BTN2A2: variants seen among roughly 807,000 people sequenced by gnomAD.
BTN2A2 encodes butyrophilin subfamily 2 member A2.
In BTN2A2, 29 loss-of-function variants were observed where a neutral mutation model predicts 34.7. That is an observed-to-expected ratio of 0.84 (90% CI 0.62 to 1.14). The LOEUF is 1.14. Among genes scored for constraint, BTN2A2 ranks in the 50% most tolerant of loss-of-function variants. The pLI is 0.00. For missense variants in BTN2A2, 612 were observed against 651.5 expected (o/e 0.94, Z 0.66); for synonymous variants, 240 against 253.1 (o/e 0.95, Z 0.49).
At position 26,391,010 on chromosome 6, in the gene BTN2A2, C is replaced by A. The variant is rs1581605146; in HGVS notation, c.979+181C>A. On this transcript the variant is annotated intron_variant, in intron 7 of 7. Coordinates refer to ENST00000356709, the MANE Select transcript of BTN2A2 (RefSeq NM_006995.5). ...TGGCTCTTCTGTCAGGGAACCCCAGCAGCTCTTAATGAACCCTGCAGTTTA... is the reference window on the plus strand; with the variant it reads ...TGGCTCTTCTGTCAGGGAACCCCAGAAGCTCTTAATGAACCCTGCAGTTTA... 9 of 876,468 alleles carry A rather than the reference C, an allele frequency of 1.0e-5. No individual in the cohort carries two copies. The East Asian group carries it at 1.5e-4, about 14-fold the overall frequency. The allele number at this position is 876,468 out of a possible 1,614,324, so 54.3% of individuals were successfully genotyped here.
intron 3 of BTN2A2, 174 bp downstream of exon 3, chr6:26,385,536 G>A: frequency 1.7e-6 from 1 of 597,706 alleles, no homozygotes; most frequent in Non-Finnish European, 2.9e-6. Flanking sequence ...GCCCTGCTAA[G>A]CTATAGGTTT....
chr6:26,390,756 T>C, intron 6 of BTN2A2, 47 bp from the exon 7 acceptor site: 1 of 1,614,280 alleles, frequency 6.2e-7, no homozygotes, highest in South Asian at 1.1e-5. Context: ...TGTGTTCTGC[T>C]TACTTAGCAG....
intron 3 of BTN2A2, among the ~76,000 whole-genome samples, chr6:26,387,243 C>T (rs1356554393): frequency 6.6e-6 from 1 of 152,146 alleles, no homozygotes; most frequent in African/African-American, 2.4e-5. Flanking sequence ...TCTTAAAGGA[C>T]TGTAAGAAAA....
chr6:26,393,123 C>T lies in BTN2A2; in HGVS notation c.*156C>T. 2 of 1,607,450 alleles carry T rather than the reference C, an allele frequency of 1.2e-6. No individual in the cohort carries two copies. The highest frequency in any genetic ancestry group is 1.7e-6 in the Non-Finnish European group (2 of 1,176,740). On this transcript the variant is annotated 3_prime_UTR_variant, in exon 8 of 8. Coordinates refer to ENST00000356709, the MANE Select transcript of BTN2A2 (RefSeq NM_006995.5). ...TTTCACACCCACTCCAGCCCTCTGC[C>T]CCAGTTTTCTCCTCCTCACTAGTCT...
Position 26,393,313 on chromosome 6 carries a change from C to T in BTN2A2, c.*346C>T. 1 of 1,255,754 alleles carries T rather than the reference C, an allele frequency of 8.0e-7. No homozygotes were observed. Among genetic ancestry groups the T allele is most frequent in the Non-Finnish European group, 1.0e-6 (1 of 985,434 alleles). 77.8% of individuals were successfully genotyped at this position (1,255,754 alleles called of 1,614,324 possible). ...ACATTAAGCCCAATATGCCAGTTGG[C>T]ACCAGATGCTGTGGACTTGGAATGA... On this transcript the variant is annotated 3_prime_UTR_variant, in exon 8 of 8. Coordinates refer to ENST00000356709, the MANE Select transcript of BTN2A2 (RefSeq NM_006995.5).
At position 26,384,142 on chromosome 6, in the gene BTN2A2, T is replaced by C. The variant is rs1761037393; in HGVS notation, c.94+227T>C. ...AAAAAGATTTTTTTAACTTTTTATT[T>C]ATTTGTTTATTTATTTAAGAGAGAG... On this transcript the variant is annotated intron_variant, in intron 2 of 7. Coordinates refer to ENST00000356709, the MANE Select transcript of BTN2A2 (RefSeq NM_006995.5). The surrounding 1 kb of genome is among the most constrained non-coding windows in gnomAD (Gnocchi z 4.0). Among the ~76,000 whole-genome samples the C allele has an allele frequency of 6.6e-6, 1 of 152,232 alleles. No homozygotes were observed. The highest frequency in any genetic ancestry group is 2.4e-5 in the African/African-American group (1 of 41,458).
Position 26,385,479 on chromosome 6 carries a change from A to G in BTN2A2, c.442+117A>G. On this transcript the variant is annotated intron_variant, in intron 3 of 7. Transcript: ENST00000356709. The stretch of plus-strand genomic sequence containing the variant: ...GATTTCTATCTGGCGTCCCCTTTCC[A>G]CAGAGAAAGTGGCTTCCTCTTGCAC... 6 of 1,035,950 alleles carry G rather than the reference A, an allele frequency of 5.8e-6. No individual in the cohort carries two copies. The South Asian group carries it at 1.0e-4, about 17-fold the overall frequency. The allele number at this position is 1,035,950 out of a possible 1,614,324, so 64.2% of individuals were successfully genotyped here.
chr6:26,383,840 C>G lies in BTN2A2; in HGVS notation c.19C>G (p.Leu7Val). 1 of 1,614,162 alleles carries G rather than the reference C, an allele frequency of 6.2e-7. No homozygotes were observed. Among genetic ancestry groups the G allele is most frequent in the Non-Finnish European group, 8.5e-7 (1 of 1,180,026 alleles). Reference sequence around the variant, plus strand: ...GGTGCTCATGGAACCAGCTGCTGCTCTGCACTTCTCCCTGCCAGCCTCCCT... The same window carrying G: ...GGTGCTCATGGAACCAGCTGCTGCTGTGCACTTCTCCCTGCCAGCCTCCCT... Reference protein sequence around the residue: MEPAAALHFSLPASLLL... With the variant: MEPAAAVHFSLPASLLL... Residue 7 changes from leucine (L) to valine (V), a missense_variant, in exon 2 of 8, where the codon CTG becomes GTG. Coordinates refer to ENST00000356709, the MANE Select transcript of BTN2A2 (RefSeq NM_006995.5). This position sits in a 1 kb window ranked among gnomAD's most constrained non-coding sequence, Gnocchi z 4.4.
Position 26,394,301 on chromosome 6 carries a change from T to C in BTN2A2, c.*1334T>C, listed in dbSNP as rs754425934. On this transcript the variant is annotated 3_prime_UTR_variant, in exon 8 of 8. Coordinates refer to ENST00000356709, the MANE Select transcript of BTN2A2 (RefSeq NM_006995.5). Reference sequence around the variant, plus strand: ...TCCATGTGCTGGTTAATTTTAGATGTCAACCTGACTGGATTAAGGAATACC... The same window carrying C: ...TCCATGTGCTGGTTAATTTTAGATGCCAACCTGACTGGATTAAGGAATACC... The C allele has an allele frequency of 1.4e-6, 1 of 700,762 alleles. No individual in the cohort carries two copies. The highest frequency in any genetic ancestry group is 1.5e-5 in the South Asian group (1 of 67,464). The allele number at this position is 700,762 out of a possible 1,614,324, so 43.4% of individuals were successfully genotyped here. A position where few individuals can be genotyped will look rare whatever the true frequency, so the allele number is the denominator to read the frequency against.
At chr6:26,388,803 C>A (rs1401824666) in intron 4 of BTN2A2, among the ~76,000 whole-genome samples, 1 of 152,228 alleles carries the variant, frequency 6.6e-6, no homozygotes, top group African/African-American at 2.4e-5. Context: ...ATCAAAATTT[C>A]TCTCCTCAAG....
At chr6:26,386,114 G>A (rs994496251) in intron 3 of BTN2A2, among the ~76,000 whole-genome samples, 5 of 152,148 alleles carry the variant, frequency 3.3e-5, no homozygotes, top group African/African-American at 1.2e-4. Context: ...ATTGCAGAGA[G>A]AGTGACTTTT....
At position 26,384,917 on chromosome 6, in the gene BTN2A2, G is replaced by C; in HGVS notation, c.95-98G>C. ...GAATATCTGCTTCCTTTCATCCCTGGAGTTTTTTTTGTTTGTTTGTTTTTG... is the reference window on the plus strand; with the variant it reads ...GAATATCTGCTTCCTTTCATCCCTGCAGTTTTTTTTGTTTGTTTGTTTTTG... On this transcript the variant is annotated intron_variant, in intron 2 of 7. Transcript: ENST00000356709. This position sits in a 1 kb window ranked among gnomAD's most constrained non-coding sequence, Gnocchi z 4.0. 1 of 1,257,624 alleles carries C rather than the reference G, an allele frequency of 8.0e-7. No individual in the cohort carries two copies. The highest frequency in any genetic ancestry group is 1.1e-6 in the Non-Finnish European group (1 of 917,852). 77.9% of individuals were successfully genotyped at this position (1,257,624 alleles called of 1,614,324 possible).
intron 7 of BTN2A2, 25 bp downstream of exon 7, chr6:26,390,854 G>T: frequency 1.2e-6 from 2 of 1,613,726 alleles, no homozygotes; most frequent in Non-Finnish European, 1.7e-6. Flanking sequence ...TGTTCTCTCA[G>T]ATCTCAGCTT....
rs1394761000 is a variant in BTN2A2 at position 26,383,977 on chromosome 6, G to C, written c.94+62G>C. ...GAAAGGAACATCAACCCTGTAGTCT[G>C]CAAAGGGAAAGAAGGAAGAACTGTG... On this transcript the variant is annotated intron_variant, in intron 2 of 7. Coordinates refer to ENST00000356709, the MANE Select transcript of BTN2A2 (RefSeq NM_006995.5). The surrounding 1 kb of genome is among the most constrained non-coding windows in gnomAD (Gnocchi z 4.4). The C allele has an allele frequency of 9.7e-6, 15 of 1,543,792 alleles. No homozygotes were observed. Among genetic ancestry groups the C allele is most frequent in the Non-Finnish European group, 1.3e-5 (14 of 1,116,586 alleles).
chr6:26,393,658 T>C lies in BTN2A2; in HGVS notation c.*691T>C. 1.0e-6 allele frequency: 1 copy of C among 994,464 alleles called. No homozygotes were observed. The highest frequency in any genetic ancestry group is 1.2e-6 in the Non-Finnish European group (1 of 835,676). The allele number at this position is 994,464 out of a possible 1,614,324, so 61.6% of individuals were successfully genotyped here. A position where few individuals can be genotyped will look rare whatever the true frequency, so the allele number is the denominator to read the frequency against. Reference sequence around the variant, plus strand: ...CTGCAATAAACAAGGGGTCAGTACTTAGTCCCTGAGTGTGGTTGAGGTTTG... The same window carrying C: ...CTGCAATAAACAAGGGGTCAGTACTCAGTCCCTGAGTGTGGTTGAGGTTTG... On this transcript the variant is annotated 3_prime_UTR_variant, in exon 8 of 8. Coordinates refer to ENST00000356709, the MANE Select transcript of BTN2A2 (RefSeq NM_006995.5).
chr6:26,394,057 G>A lies in BTN2A2; in HGVS notation c.*1090G>A, dbSNP rs995951223. On this transcript the variant is annotated 3_prime_UTR_variant, in exon 8 of 8. Coordinates refer to ENST00000356709, the MANE Select transcript of BTN2A2 (RefSeq NM_006995.5). ...AAGAGATATTTGTATTATCATATCT[G>A]CCTTTGTATTAAACCTATTGGTATA... 2.5e-6 allele frequency: 1 copy of A among 408,140 alleles called. No homozygotes were observed. The allele number at this position is 408,140 out of a possible 1,614,324, so 25.3% of individuals were successfully genotyped here.
Position 26,390,698 on chromosome 6 carries a change from G to A in BTN2A2, c.943G>A (p.Glu315Lys). ...EEKEIAQQLQ[E>K]ELRWRRTFLH... is the part of the protein sequence containing the mutation. ...TATTTTGTTTTCAGAGCAACTTCAAGAAGAATTGCGTAAGTTTAGCCTTTC... is the reference window on the plus strand; with the variant it reads ...TATTTTGTTTTCAGAGCAACTTCAAAAAGAATTGCGTAAGTTTAGCCTTTC... Residue 315 changes from glutamate to lysine, a missense_variant, in exon 6 of 8, where the codon GAA becomes AAA. Transcript: ENST00000356709. 1 of 1,614,238 alleles carries A rather than the reference G, an allele frequency of 6.2e-7. No homozygotes were observed. The highest frequency in any genetic ancestry group is 8.5e-7 in the Non-Finnish European group (1 of 1,180,040).
chr6:26,388,296 T>C lies in BTN2A2; in HGVS notation c.724+2T>C. ...AGGAAACTGTCATTTTTATTCCAGG[T>C]TAGTTCTCTGCCCTCTGAGACCTAT... On this transcript the variant is annotated splice_donor_variant, in intron 4 of 7. Coordinates refer to ENST00000356709, the MANE Select transcript of BTN2A2 (RefSeq NM_006995.5). LOFTEE classifies it high-confidence loss of function. 1.2e-6 allele frequency: 2 copies of C among 1,613,956 alleles called. No homozygotes were observed. The highest frequency in any genetic ancestry group is 1.7e-6 in the Non-Finnish European group (2 of 1,179,848).
Position 26,390,344 on chromosome 6 carries a change from G to C in BTN2A2, c.931+133G>C. 21 of 939,056 alleles carry C rather than the reference G, an allele frequency of 2.2e-5. No individual in the cohort carries two copies. In the South Asian group the frequency reaches 3.3e-4, roughly 15 times the overall value. 58.2% of individuals were successfully genotyped at this position (939,056 alleles called of 1,614,324 possible). On this transcript the variant is annotated intron_variant, in intron 5 of 7. Transcript: ENST00000356709. ...GGTACCGGCTTAGGGAAGAGAGAGAGGAAATGCACAGCAGCAGCCACAAGG... is the reference window on the plus strand; with the variant it reads ...GGTACCGGCTTAGGGAAGAGAGAGACGAAATGCACAGCAGCAGCCACAAGG...
Sources: allele counts gnomAD v4.1 joint callset (sites outside exome capture counted in the v4.1 genomes callset), GRCh38; gene constraint gnomAD v4.1.1; non-coding constraint Gnocchi (gnomAD v3.1); transcripts MANE v1.5; gene names NCBI Gene and HGNC (gene_info 2026-07-23, HGNC 2026-07-21).